Variants in ATRNL1 observed in about 807,000 individuals in gnomAD.
ATRNL1 encodes attractin-like protein 1.
In ATRNL1, 95 loss-of-function variants were observed where a neutral mutation model predicts 182.7. The ratio of observed to expected loss-of-function variants is 0.52; its 90% CI spans 0.44 to 0.62. ATRNL1 has a LOEUF of 0.62. Ranked by LOEUF, ATRNL1 falls within the 20% of genes least tolerant of loss-of-function variation. The pLI is 0.00. For missense variants in ATRNL1, 1,471 were observed against 1,679.5 expected, an observed-to-expected ratio of 0.88 and a Z score of 2.17; for synonymous variants, 576 against 568.3, an observed-to-expected ratio of 1.01 and a Z score of -0.19.
At chr10:115,572,091 G>C (rs944493902) in intron 26 of ATRNL1, among the ~76,000 whole-genome samples, 1 of 152,036 alleles carries the variant, frequency 6.6e-6, no homozygotes, top group African/African-American at 2.4e-5. Context: ...TTGGTTTTGG[G>C]GGTGATGGAA....
At chr10:115,898,961 T>G (rs1055243313) in intron 28 of ATRNL1, among the ~76,000 whole-genome samples, 2 of 145,860 alleles carry the variant, frequency 1.4e-5, no homozygotes, top group Admixed American at 1.4e-4. Context: ...CTTTTTTTTC[T>G]TTTTTTTTTA....
intron 9 of ATRNL1, among the ~76,000 whole-genome samples, chr10:115,239,221 ATTATT>A (rs1322257514): frequency 7.9e-5 from 12 of 151,868 alleles, no homozygotes; most frequent in Middle Eastern, 3.4e-3. Context: ...GAGACTAGAG[ATTATT>A]TTATTTTATT....
chr10:115,654,566 T>A (rs782352763), intron 26 of ATRNL1, among the ~76,000 whole-genome samples: 9 of 152,206 alleles, frequency 5.9e-5, no homozygotes, highest in Non-Finnish European at 1.0e-4. Flanking sequence ...CCTGGGAAAC[T>A]GTTTAACTGT....
At chr10:115,769,314 G>A (rs1555075772) in intron 27 of ATRNL1, among the ~76,000 whole-genome samples, 2 of 152,076 alleles carry the variant, frequency 1.3e-5, no homozygotes, top group Non-Finnish European at 2.9e-5. Flanking sequence ...TTGCTAAATA[G>A]TGCACATTTT....
chr10:115,295,373 C>T (rs10399963), intron 15 of ATRNL1, among the ~76,000 whole-genome samples: 1,790 of 152,130 alleles, frequency 0.012, 34 homozygotes, highest in African/African-American at 0.04. Context: ...GGCTTTCTGG[C>T]GAGCCTGTGG....
At chr10:115,780,010 A>G (rs1555078921) in intron 27 of ATRNL1, among the ~76,000 whole-genome samples, 1 of 152,244 alleles carries the variant, frequency 6.6e-6, no homozygotes, top group Non-Finnish European at 1.5e-5. Context: ...CAGGTGAGCA[A>G]TCACACTTTC....
chr10:115,476,419 T>A (rs1554973122), intron 24 of ATRNL1, among the ~76,000 whole-genome samples: 2 of 151,406 alleles, frequency 1.3e-5, no homozygotes, highest in Non-Finnish European at 3.0e-5. Flanking sequence ...ATTTGATTCT[T>A]ATTCAATGTC....
At chr10:115,446,618 T>G (rs1847009565) in intron 21 of ATRNL1, among the ~76,000 whole-genome samples, 1 of 152,000 alleles carries the variant, frequency 6.6e-6, no homozygotes, top group Non-Finnish European at 1.5e-5. Context: ...GTCAAAATAA[T>G]GTAAGAAAAG....
chr10:115,369,425 A>G (rs910884177), intron 19 of ATRNL1, among the ~76,000 whole-genome samples: 7 of 152,048 alleles, frequency 4.6e-5, no homozygotes, highest in African/African-American at 1.7e-4. Flanking sequence ...GTTTTGTGAG[A>G]GGATGAGGCT....
intron 25 of ATRNL1, among the ~76,000 whole-genome samples, chr10:115,548,664 A>G (rs1852800935): frequency 6.6e-6 from 1 of 152,210 alleles, no homozygotes; most frequent in African/African-American, 2.4e-5. Flanking sequence ...CTAACAAAGT[A>G]CCCTGCATTA....
At chr10:115,819,783 G>C (rs539075015) in intron 27 of ATRNL1, 1 of 152,072 alleles carries the variant, frequency 6.6e-6, no homozygotes, top group African/African-American at 2.4e-5. Context: ...CAAGTCACTG[G>C]TTCTTGCCAC....
rs147549362 is a variant in ATRNL1 at position 115,332,283 on chromosome 10, T to C, written c.3038-1999T>C. On this transcript the variant is annotated intron_variant, in intron 18 of 28. Coordinates refer to ENST00000355044, the MANE Select transcript of ATRNL1 (RefSeq NM_207303.4). ...TTCTCTTACCATCCAACCATACTTT[T>C]ACTAGTCTGTAGTCTGGAGAGGCTT... Among the ~76,000 whole-genome samples, 954 of 152,338 alleles carry C rather than the reference T, an allele frequency of 6.3e-3. 1 individual carries two copies. The highest frequency in any genetic ancestry group is 0.011 in the Non-Finnish European group (727 of 68,028).
At chr10:115,802,051 A>AC (rs1412039169) in intron 27 of ATRNL1, among the ~76,000 whole-genome samples, 1 of 11,216 alleles carries the variant, frequency 8.9e-5, no homozygotes, top group African/African-American at 2.9e-4. Flanking sequence ...CACACAAAAC[A>AC]AAAAAAAACA....
At chr10:115,377,701 G>A (rs1376879469) in intron 19 of ATRNL1, among the ~76,000 whole-genome samples, 2 of 152,236 alleles carry the variant, frequency 1.3e-5, no homozygotes, top group South Asian at 4.2e-4. Flanking sequence ...GTCTGTATAT[G>A]TCTTTATAAG....
At chr10:115,111,179 C>T (rs1322067210) in intron 1 of ATRNL1, among the ~76,000 whole-genome samples, 19 of 152,070 alleles carry the variant, frequency 1.2e-4, no homozygotes, top group African/African-American at 4.6e-4. Context: ...ATAATGATTA[C>T]CATGTGCAAG....
intron 19 of ATRNL1, among the ~76,000 whole-genome samples, chr10:115,358,015 C>A (rs1856577035): frequency 6.6e-6 from 1 of 151,600 alleles, no homozygotes; most frequent in South Asian, 2.1e-4. Context: ...GATCCTGGCT[C>A]TGCACTATCT....
At chr10:115,860,647 G>A (rs1258263516) in intron 28 of ATRNL1, among the ~76,000 whole-genome samples, 1 of 152,278 alleles carries the variant, frequency 6.6e-6, no homozygotes, top group Non-Finnish European at 1.5e-5. Context: ...TCCTCCAACT[G>A]CATGCAGCCA....
intron 27 of ATRNL1, among the ~76,000 whole-genome samples, chr10:115,804,635 A>C (rs1474589722): frequency 1.3e-5 from 2 of 152,180 alleles, no homozygotes; most frequent in African/African-American, 4.8e-5. Flanking sequence ...TTTATGCTAA[A>C]TTGTTATGAT....
intron 8 of ATRNL1, among the ~76,000 whole-genome samples, chr10:115,215,319 A>C (rs1423191691): frequency 6.6e-6 from 1 of 152,220 alleles, no homozygotes; most frequent in Non-Finnish European, 1.5e-5. Context: ...TAGGGATCAT[A>C]TCATTTTATC....
Sources: allele counts gnomAD v4.1 joint callset (sites outside exome capture counted in the v4.1 genomes callset), GRCh38; gene constraint gnomAD v4.1.1; transcripts MANE v1.5; gene names NCBI Gene and HGNC (gene_info 2026-07-23, HGNC 2026-07-21).